The following DNAH7 variants were observed in gnomAD, a reference collection of about 807,000 sequenced individuals.
DNAH7 encodes the protein axonemal beta dynein heavy chain 7.
A neutral mutation model predicts 444.6 loss-of-function variants in DNAH7; 397 were observed. That is an observed-to-expected ratio of 0.89 (90% CI 0.82 to 0.97). DNAH7 has a LOEUF of 0.97. Among genes scored for constraint, DNAH7 ranks in the 50% least tolerant of loss-of-function variants. The probability of loss-of-function intolerance (pLI) is 0.00; values close to 1 mark genes in which losing one functional copy is unlikely to be tolerated. For synonymous variants in DNAH7, 1,636 were observed against 1,624.4 expected, an observed-to-expected ratio of 1.01 and a Z score of -0.17; for missense variants, 4,902 against 4,800.8, an observed-to-expected ratio of 1.02 and a Z score of -0.62.
chr2:195,778,872 T>A (rs1210736215), intron 58 of DNAH7, among the ~76,000 whole-genome samples: 1 of 149,196 alleles, frequency 6.7e-6, no homozygotes, highest in Non-Finnish European at 1.5e-5. Flanking sequence ...AGACTGAGTT[T>A]CACTCTTGTT....
intron 48 of DNAH7, chr2:195,825,108 C>T (rs1315843335): frequency 6.6e-6 from 1 of 152,096 alleles, no homozygotes; most frequent in South Asian, 2.1e-4. Context: ...GAGCTCCTGT[C>T]TCTACAAAGA....
chr2:195,977,586 GATA>G (rs983865708), intron 15 of DNAH7, among the ~76,000 whole-genome samples: 1 of 151,736 alleles, frequency 6.6e-6, no homozygotes, highest in African/African-American at 2.4e-5. Flanking sequence ...TATTCAAAAG[GATA>G]ATAACAGAAA....
At chr2:195,933,653 A>G (rs1004090288) in intron 21 of DNAH7, among the ~76,000 whole-genome samples, 4 of 151,466 alleles carry the variant, frequency 2.6e-5, no homozygotes, top group Non-Finnish European at 4.4e-5. Flanking sequence ...ACAAAGACAA[A>G]AAACCAAACA....
At chr2:196,014,519 C>T (rs1204004091) in intron 9 of DNAH7, among the ~76,000 whole-genome samples, 1 of 152,064 alleles carries the variant, frequency 6.6e-6, no homozygotes, top group East Asian at 1.9e-4. Context: ...TCCCTCCTGC[C>T]CTCACAACTG....
intron 40 of DNAH7, 116 bp downstream of exon 40, chr2:195,872,134 C>T: frequency 6.0e-6 from 5 of 832,282 alleles, no homozygotes; most frequent in South Asian, 2.1e-5. Context: ...TTCAAAATGC[C>T]AAATAACTGA....
intron 2 of DNAH7, 126 bp from the exon 3 acceptor site, chr2:196,051,375 C>T: frequency 1.4e-6 from 1 of 728,794 alleles, no homozygotes. Context: ...CAAAGATAAA[C>T]TTTACTGCTT....
At chr2:195,749,550 C>T (rs1463526211) in intron 63 of DNAH7, among the ~76,000 whole-genome samples, 4 of 151,994 alleles carry the variant, frequency 2.6e-5, no homozygotes, top group African/African-American at 9.7e-5. Context: ...TATTGCAGCA[C>T]TATTCACAAT....
chr2:195,812,416 C>T (rs1431137548), intron 51 of DNAH7, among the ~76,000 whole-genome samples: 1 of 152,128 alleles, frequency 6.6e-6, no homozygotes, highest in Non-Finnish European at 1.5e-5. Flanking sequence ...CATATTTGTA[C>T]AGCAACAGAT....
chr2:195,878,354 C>G (rs971408363), intron 36 of DNAH7, among the ~76,000 whole-genome samples: 18 of 152,146 alleles, frequency 1.2e-4, no homozygotes, highest in African/African-American at 4.3e-4. Context: ...AGCCTGTAAT[C>G]CCAGCACTTT....
chr2:196,063,107 C>T (rs1025801469), intron 1 of DNAH7, among the ~76,000 whole-genome samples: 1 of 152,162 alleles, frequency 6.6e-6, no homozygotes, highest in African/African-American at 2.4e-5. Context: ...GTCTCGAACT[C>T]CTGACCTCAG....
intron 34 of DNAH7, 137 bp from the exon 35 acceptor site, chr2:195,884,946 C>A: frequency 1.5e-6 from 1 of 656,996 alleles, no homozygotes; most frequent in Non-Finnish European, 2.5e-6. Context: ...TAGGTCATCT[C>A]AGGATTTTGT....
intron 12 of DNAH7, chr2:195,999,107 A>G (rs1436370390): frequency 1.4e-6 from 1 of 717,230 alleles, no homozygotes; most frequent in African/African-American, 1.7e-5. Flanking sequence ...TGGCATCTCC[A>G]TGTAAAGCCA....
At chr2:195,824,147 G>A (rs2124914643) in intron 49 of DNAH7, 108 bp downstream of exon 49, 1 of 1,055,336 alleles carries the variant, frequency 9.5e-7, no homozygotes, top group Non-Finnish European at 1.3e-6. Flanking sequence ...ACCAAAATAA[G>A]GCAAAATCCG....
At chr2:195,941,125 A>G (rs1266539785) in intron 19 of DNAH7, among the ~76,000 whole-genome samples, 3 of 152,192 alleles carry the variant, frequency 2.0e-5, no homozygotes, top group Admixed American at 2.0e-4. Context: ...ACCAACCCAA[A>G]TGCCCATCAA....
At chr2:195,933,572 G>A (rs1194200688) in intron 21 of DNAH7, among the ~76,000 whole-genome samples, 1 of 152,050 alleles carries the variant, frequency 6.6e-6, no homozygotes, top group Non-Finnish European at 1.5e-5. Context: ...TGCAGCCATA[G>A]AAAAGGATGA....
intron 64 of DNAH7, among the ~76,000 whole-genome samples, chr2:195,738,741 GAGTA>G (rs896284398): frequency 9.4e-4 from 143 of 152,234 alleles, no homozygotes; most frequent in African/African-American, 3.2e-3. Flanking sequence ...TTGAATGTAA[GAGTA>G]AGAACAAACT....
chr2:195,803,532 G>A (rs1413385507), intron 54 of DNAH7, among the ~76,000 whole-genome samples: 2 of 152,210 alleles, frequency 1.3e-5, no homozygotes. Flanking sequence ...AGTTTGCAAG[G>A]CAACAGAATT....
Position 195,787,068 on chromosome 2 carries a change from T to C in DNAH7, c.10820A>G (p.Asn3607Ser), listed in dbSNP as rs753284852. Residue 3607 changes from asparagine (N) to serine (S), a missense_variant, in exon 58 of 65, where the codon AAT (asparagine) becomes AGT (serine). Coordinates refer to ENST00000312428, the MANE Select transcript of DNAH7 (RefSeq NM_018897.3). ...TACGCTGATTCTCAGATCTGTCTCA[T>C]TGAACTCATAAGGAATATTCCACCC... is the stretch of plus-strand genomic sequence containing the variant. ...PLGWNIPYEF[N>S]ETDLRISVQQ... 4 of 1,612,244 alleles carry C rather than the reference T, an allele frequency of 2.5e-6. No homozygotes were observed. The highest frequency in any genetic ancestry group is 2.2e-5 in the East Asian group (1 of 44,834).
rs548565986 is a variant in DNAH7, at chr2:195,811,827, G to A, written c.9762-1956C>T. 3.9e-5 allele frequency among the ~76,000 whole-genome samples: 6 copies of A among 152,288 alleles called. No homozygotes were observed. The South Asian group carries it at 1.0e-3, about 26-fold the overall frequency. ...TCAAATTGCCTTTGCAAAATTATGA[G>A]AGTAAGAGAAATCTGAAATAGCTGA... On this transcript the variant is annotated intron_variant, in intron 51 of 64. Coordinates refer to ENST00000312428, the MANE Select transcript of DNAH7 (RefSeq NM_018897.3).
Sources: allele counts gnomAD v4.1 joint callset (sites outside exome capture counted in the v4.1 genomes callset), GRCh38; gene constraint gnomAD v4.1.1; transcripts MANE v1.5; gene names NCBI Gene and HGNC (gene_info 2026-07-23, HGNC 2026-07-21).